Variants in HIVEP3 observed in about 807,000 individuals in gnomAD.
HIVEP3 encodes HIVEP zinc finger 3, also known as transcription factor HIVEP3.
A neutral mutation model predicts 152.8 loss-of-function variants in HIVEP3; 49 were observed. That is an observed-to-expected ratio of 0.32 (90% CI 0.26 to 0.41). HIVEP3 has a LOEUF of 0.41. Among genes scored for constraint, HIVEP3 ranks in the 10% least tolerant of loss-of-function variants. The probability of loss-of-function intolerance (pLI) is 1.00; values close to 1 mark genes in which losing one functional copy is unlikely to be tolerated. For synonymous variants in HIVEP3, 1,269 were observed against 1,289.0 expected, an observed-to-expected ratio of 0.98 and a Z score of 0.33; for missense variants, 2,790 against 3,103.3, an observed-to-expected ratio of 0.90 and a Z score of 2.40.
chr1:41,820,612 A>G (rs1053387330), intron 1 of HIVEP3, among the ~76,000 whole-genome samples: 5 of 152,244 alleles, frequency 3.3e-5, no homozygotes, highest in African/African-American at 9.6e-5. Flanking sequence ...ATAGCCATCC[A>G]TTTAAATCCA....
intron 1 of HIVEP3, among the ~76,000 whole-genome samples, chr1:41,734,398 A>G (rs972607823): frequency 6.6e-6 from 1 of 152,164 alleles, no homozygotes. Context: ...AGAGATAGAC[A>G]TACATTCAGT....
chr1:42,001,422 C>T (rs1428204205), intron 1 of HIVEP3, among the ~76,000 whole-genome samples: 1 of 152,216 alleles, frequency 6.6e-6, no homozygotes, highest in Admixed American at 6.5e-5. Flanking sequence ...CCCATAAAGG[C>T]AGCCTGGTGT....
At chr1:41,653,252 T>TAA (rs1159470502) in intron 2 of HIVEP3, among the ~76,000 whole-genome samples, 1 of 151,596 alleles carries the variant, frequency 6.6e-6, no homozygotes, top group Non-Finnish European at 1.5e-5. Flanking sequence ...CATATATATA[T>TAA]AACATATATA....
intron 1 of HIVEP3, among the ~76,000 whole-genome samples, chr1:41,996,054 A>G (rs1192597084): frequency 6.6e-6 from 1 of 152,108 alleles, no homozygotes; most frequent in Non-Finnish European, 1.5e-5. Flanking sequence ...CAGCAGAAAT[A>G]GTTTCTCTCT....
chr1:41,825,941 C>T (rs1642790823), intron 1 of HIVEP3, among the ~76,000 whole-genome samples: 1 of 152,006 alleles, frequency 6.6e-6, no homozygotes, highest in African/African-American at 2.4e-5. Flanking sequence ...CTCCTGGGAC[C>T]CCTTGGCCCC....
intron 1 of HIVEP3, among the ~76,000 whole-genome samples, chr1:41,790,942 A>T (rs1262702075): frequency 6.6e-6 from 1 of 151,862 alleles, no homozygotes; most frequent in Non-Finnish European, 1.5e-5. Context: ...TCTTGCAAAA[A>T]CCCACATCTA....
rs776680164 is a variant in HIVEP3 at position 41,575,607 on chromosome 1, G to A, written c.5144C>T (p.Pro1715Leu). 19 of 1,613,848 alleles carry A rather than the reference G, an allele frequency of 1.2e-5. No homozygotes were observed. The highest frequency in any genetic ancestry group is 1.6e-4 in the Middle Eastern group (1 of 6,084). ...VEKEEERRGE[P>L]EEDAPASQRG... ...CTGGGAGGCAGGAGCATCCTCCTCC[G>A]GCTCCCCTCTCCTCTCTTCTTCCTT... The change falls in exon 5 of 9, where the codon CCG becomes CTG. Residue 1715 changes from proline to leucine, a missense_variant. Physicochemically the swap from Pro to Leu is moderately conservative, Grantham distance 98. Coordinates refer to ENST00000372583, the MANE Select transcript of HIVEP3 (RefSeq NM_024503.5).
chr1:41,753,073 C>T (rs1438470372), intron 1 of HIVEP3, among the ~76,000 whole-genome samples: 1 of 152,186 alleles, frequency 6.6e-6, no homozygotes, highest in Non-Finnish European at 1.5e-5. Context: ...CACAAAACTC[C>T]TTCTGTAAAA....
chr1:41,690,456 G>A (rs1646180137), intron 2 of HIVEP3, among the ~76,000 whole-genome samples: 1 of 152,236 alleles, frequency 6.6e-6, no homozygotes, highest in Admixed American at 6.5e-5. Context: ...AGGCTGGGAT[G>A]GGGAGCACCC....
At position 41,582,247 on chromosome 1, in the gene HIVEP3, G is replaced by T; in HGVS notation, c.2551C>A (p.Pro851Thr). Residue 851 changes from proline (P) to threonine (T), a missense_variant, in exon 4 of 9, where the codon CCC becomes ACC. Pro to Thr is a conservative substitution (Grantham distance 38). Transcript: ENST00000372583. This position sits in a 1 kb window ranked among gnomAD's most constrained non-coding sequence, Gnocchi z 4.7. ...AGGATCTCAGGAACCTGAATGTTGG[G>T]CTGGCGGACCAACTTAGGCTGCAGG... ...HSLQPKLVRQPNIQVPEILVT... is the reference protein window; with the variant it reads ...HSLQPKLVRQTNIQVPEILVT... The T allele has an allele frequency of 6.2e-7, 1 of 1,613,932 alleles. No homozygotes were observed. The highest frequency in any genetic ancestry group is 8.5e-7 in the Non-Finnish European group (1 of 1,179,886).
chr1:41,893,734 A>T (rs1356662528), intron 1 of HIVEP3, among the ~76,000 whole-genome samples: 1 of 148,270 alleles, frequency 6.7e-6, no homozygotes, highest in African/African-American at 2.5e-5. Flanking sequence ...GTGTATATAG[A>T]TATACATATA....
chr1:41,531,200 T>A (rs4660544), intron 5 of HIVEP3, among the ~76,000 whole-genome samples: 7 of 119,980 alleles, frequency 5.8e-5, no homozygotes, highest in East Asian at 3.6e-4. Context: ...GATGGAGGAC[T>A]GGAGAGATAG....
At chr1:41,760,650 T>C (rs1191111815) in intron 1 of HIVEP3, among the ~76,000 whole-genome samples, 3 of 152,222 alleles carry the variant, frequency 2.0e-5, no homozygotes, top group Non-Finnish European at 4.4e-5. Flanking sequence ...AATTGGCTCA[T>C]GGGGCTGATC....
chr1:41,811,215 T>C (rs531768530), intron 1 of HIVEP3, among the ~76,000 whole-genome samples: 39 of 151,532 alleles, frequency 2.6e-4, no homozygotes, highest in Non-Finnish European at 4.3e-4. Context: ...AGATCTTCCA[T>C]CTCTTAAGCC....
intron 1 of HIVEP3, among the ~76,000 whole-genome samples, chr1:41,966,374 T>C (rs1472478791): frequency 6.6e-6 from 1 of 151,686 alleles, no homozygotes; most frequent in Non-Finnish European, 1.5e-5. Context: ...AATTCACATA[T>C]AACAATATTA....
At chr1:41,766,118 G>A (rs547506997) in intron 1 of HIVEP3, among the ~76,000 whole-genome samples, 1 of 152,370 alleles carries the variant, frequency 6.6e-6, no homozygotes, top group Admixed American at 6.5e-5. Flanking sequence ...GCCATGGTAT[G>A]TACTCTCTGG....
chr1:41,940,495 G>A (rs1645040202), intron 1 of HIVEP3, among the ~76,000 whole-genome samples: 1 of 152,138 alleles, frequency 6.6e-6, no homozygotes, highest in Non-Finnish European at 1.5e-5. Context: ...TTATTCTCAA[G>A]GCACTGTGCT....
rs1025453089 is a variant in HIVEP3 at position 41,536,978 on chromosome 1, T to C, written c.5208-12068A>G. 4.6e-5 allele frequency among the ~76,000 whole-genome samples: 7 copies of C among 152,180 alleles called. No homozygotes were observed. The East Asian group carries it at 1.2e-3, about 25-fold the overall frequency. On this transcript the variant is annotated intron_variant, in intron 5 of 8. Coordinates refer to ENST00000372583, the MANE Select transcript of HIVEP3 (RefSeq NM_024503.5). ...TGCAATTCTGTTTTTTAAAAAACAC[T>C]GTGTAAGTCAAATAAAATACAAGAG...
chr1:41,512,720 T>C (rs973806597), intron 8 of HIVEP3, 96 bp downstream of exon 8: 6 of 959,370 alleles, frequency 6.3e-6, no homozygotes, highest in African/African-American at 1.6e-5. Context: ...CTGGCAGAGC[T>C]GTTTAGTTCC....
Sources: allele counts gnomAD v4.1 joint callset (sites outside exome capture counted in the v4.1 genomes callset), GRCh38; gene constraint gnomAD v4.1.1; non-coding constraint Gnocchi (gnomAD v3.1); transcripts MANE v1.5; gene names NCBI Gene and HGNC (gene_info 2026-07-23, HGNC 2026-07-21).